SETX: variants seen among roughly 807,000 people sequenced by gnomAD.
The protein encoded by SETX is senataxin, also known as helicase senataxin.
A neutral mutation model predicts 227.2 loss-of-function variants in SETX; 90 were observed. The ratio of observed to expected loss-of-function variants is 0.40; its 90% CI spans 0.33 to 0.47. The LOEUF is 0.47. Among genes scored for constraint, SETX ranks in the 20% least tolerant of loss-of-function variants. The pLI, the probability that SETX is intolerant of heterozygous loss-of-function variation, is 0.91. For missense variants in SETX, 3,052 were observed against 3,181.5 expected, an observed-to-expected ratio of 0.96 and a Z score of 0.98; for synonymous variants, 1,210 against 1,113.2, an observed-to-expected ratio of 1.09 and a Z score of -1.73.
Position 132,330,032 on chromosome 9 carries a change from T to C in SETX, c.1566A>G (p.Ser522=), listed in dbSNP as rs760996658. ...SKGTAMISSL[S]LHSMPSNSVQ... ...CAGAGTTAGATGGCATGGAATGCAA[T>C]GACAGTGAAGATATCATTGCTGTTC... Residue 522 remains serine (S), a synonymous_variant, in exon 10 of 26, where the codon TCA becomes TCG. Coordinates refer to ENST00000224140, the MANE Select transcript of SETX (RefSeq NM_015046.7). 3 of 1,614,230 alleles carry C rather than the reference T, an allele frequency of 1.9e-6. No individual in the cohort carries two copies. Among genetic ancestry groups the C allele is most frequent in the Non-Finnish European group, 2.5e-6 (3 of 1,180,020 alleles).
intron 9 of SETX, among the ~76,000 whole-genome samples, chr9:132,330,738 T>A (rs1847172606): frequency 6.6e-6 from 1 of 152,212 alleles, no homozygotes; most frequent in Non-Finnish European, 1.5e-5. Flanking sequence ...GACAAATTGG[T>A]AACACCTTTA....
At chr9:132,318,766 C>T (rs913726485) in intron 10 of SETX, among the ~76,000 whole-genome samples, 4 of 152,070 alleles carry the variant, frequency 2.6e-5, no homozygotes, top group African/African-American at 9.7e-5. Context: ...TGAGCTAGTT[C>T]CAACTTTTCT....
intron 23 of SETX, among the ~76,000 whole-genome samples, chr9:132,272,015 T>C (rs1015026069): frequency 6.6e-6 from 1 of 151,984 alleles, no homozygotes; most frequent in African/African-American, 2.4e-5. Flanking sequence ...CCTGAGTAGC[T>C]GGGACTACAG....
At position 132,336,427 on chromosome 9, in the gene SETX, A is replaced by T; in HGVS notation, c.587T>A (p.Leu196His). 1 of 1,614,136 alleles carries T rather than the reference A, an allele frequency of 6.2e-7. No individual in the cohort carries two copies. Among genetic ancestry groups the T allele is most frequent in the South Asian group, 1.1e-5 (1 of 91,084 alleles). ...AAGCCCCAACTCAATGACTTTAAAA[A>T]GGCAAAGTAAAACTTCTTGTAAGTC... ...YYDLQEVLLCLFKVIELGLLE... is the reference protein window; with the variant it reads ...YYDLQEVLLCHFKVIELGLLE... The change falls in exon 6 of 26, where the codon CTT (leucine) becomes CAT (histidine). Residue 196 changes from leucine to histidine, a missense_variant. Around this residue, in one of 10 missense-constraint regions of SETX, gnomAD observed 239 missense variants for 240.8 expected, o/e 0.99. Transcript: ENST00000224140.
chr9:132,267,337 T>C (rs987484311), intron 25 of SETX, among the ~76,000 whole-genome samples: 1 of 152,210 alleles, frequency 6.6e-6, no homozygotes, highest in African/African-American at 2.4e-5. Context: ...CCTTAGCCTG[T>C]GGCTCAAACA....
At chr9:132,354,328 CA>C (rs1369674938) in intron 1 of SETX, among the ~76,000 whole-genome samples, 1 of 151,910 alleles carries the variant, frequency 6.6e-6, no homozygotes, top group Non-Finnish European at 1.5e-5. Context: ...CCTGTCTCTG[CA>C]ACACATTTTG....
Position 132,264,943 on chromosome 9 carries a change from G to A in SETX, c.7330C>T (p.Arg2444Cys), listed in dbSNP as rs372535542. The A allele has an allele frequency of 8.7e-6, 14 of 1,613,948 alleles. No homozygotes were observed. The highest frequency in any genetic ancestry group is 2.2e-5 in the East Asian group (1 of 44,894). ...WNQLIQDAQK[R>C]GAIIKTCDKN... ...TCACAGGTCTTAATAATGGCACCACGCTTCTGAGCATCCTGAATCAGCTGA... is the reference window on the plus strand; with the variant it reads ...TCACAGGTCTTAATAATGGCACCACACTTCTGAGCATCCTGAATCAGCTGA... The change falls in exon 26 of 26, where the codon CGT becomes TGT. Residue 2444 changes from arginine (R) to cysteine (C), a missense_variant. Arg to Cys is a radical substitution (Grantham distance 180). Around this residue, in one of 10 missense-constraint regions of SETX, gnomAD observed 412 missense variants for 589.0 expected, o/e 0.70. Transcript: ENST00000224140.
chr9:132,264,866 C>A lies in SETX; in HGVS notation c.7407G>T (p.Leu2469=). Residue 2469 remains leucine (L), a synonymous_variant, in exon 26 of 26, where the codon CTG becomes CTT. Transcript: ENST00000224140. ...TAGGAGGGTGAGTGAGACTTCTCTG[C>A]AGCACAGGCTTGAGTTTCAGAATCT... ...AVKILKLKPV[L]QRSLTHPPTI... 1 of 1,614,144 alleles carries A rather than the reference C, an allele frequency of 6.2e-7. No individual in the cohort carries two copies. The highest frequency in any genetic ancestry group is 8.5e-7 in the Non-Finnish European group (1 of 1,179,992).
intron 19 of SETX, chr9:132,283,001 G>A (rs1235629936): frequency 4.0e-6 from 2 of 499,642 alleles, no homozygotes; most frequent in Non-Finnish European, 7.3e-6. Context: ...TTCTAAGCAG[G>A]AGTGAGACAG....
Position 132,326,594 on chromosome 9 carries a change from G to C in SETX, c.5004C>G (p.Asn1668Lys). 1.9e-6 allele frequency: 3 copies of C among 1,614,220 alleles called. No individual in the cohort carries two copies. Among genetic ancestry groups the C allele is most frequent in the Non-Finnish European group, 2.5e-6 (3 of 1,180,042 alleles). Residue 1668 changes from asparagine to lysine, a missense_variant, in exon 10 of 26, where the codon AAC becomes AAG. Around this residue, in one of 10 missense-constraint regions of SETX, gnomAD observed 1,483 missense variants for 1,312.0 expected, o/e 1.13. Transcript: ENST00000224140. ...CAAATGGAACTTTGCAACCTTGCCT[G>C]TTGGAATTATTCGGAGACTGAGGAT... ...VLHPQSPNNS[N>K]RQGCKVPFGE...
chr9:132,293,048 TA>T (rs1181080815), intron 15 of SETX, among the ~76,000 whole-genome samples: 1 of 152,160 alleles, frequency 6.6e-6, no homozygotes, highest in Non-Finnish European at 1.5e-5. Flanking sequence ...AAGTCCTAAA[TA>T]AAACATTAGC....
Position 132,277,168 on chromosome 9 carries a change from A to T in SETX, c.6843-16T>A. On this transcript the variant is annotated splice_polypyrimidine_tract_variant and intron_variant, in intron 21 of 25. Transcript: ENST00000224140. Reference sequence around the variant, plus strand: ...TTCTGTCTGTCTGTAAAAAAAAAAAAGCAGTCAACATTCAGAATAAAGTCA... The same window carrying T: ...TTCTGTCTGTCTGTAAAAAAAAAAATGCAGTCAACATTCAGAATAAAGTCA... 6.4e-7 allele frequency: 1 copy of T among 1,563,476 alleles called. No individual in the cohort carries two copies. Among genetic ancestry groups the T allele is most frequent in the Non-Finnish European group, 8.8e-7 (1 of 1,137,692 alleles).
chr9:132,320,787 T>A (rs1819510895), intron 10 of SETX, among the ~76,000 whole-genome samples: 1 of 151,638 alleles, frequency 6.6e-6, no homozygotes. Context: ...ACCAAAGAGA[T>A]TTTAAAAAAC....
chr9:132,345,947 A>C (rs915092145), intron 4 of SETX, among the ~76,000 whole-genome samples: 1 of 152,180 alleles, frequency 6.6e-6, no homozygotes, highest in Non-Finnish European at 1.5e-5. Flanking sequence ...TGAGCCCAGG[A>C]GGTAGAGGCT....
rs1159987153 is a variant in SETX, at chr9:132,265,794, C to T, written c.7288-809G>A. Among the ~76,000 whole-genome samples the T allele has an allele frequency of 9.9e-5, 15 of 152,068 alleles. No homozygotes were observed. The South Asian group carries it at 1.0e-3, about 11-fold the overall frequency. ...TGCCTACACCTCTTGGCAGGGCTAA[C>T]GTTCTGAAACAGGAAGGTCTGGTTT... On this transcript the variant is annotated intron_variant, in intron 25 of 25. Transcript: ENST00000224140.
At chr9:132,335,601 C>T (rs548672093) in intron 6 of SETX, among the ~76,000 whole-genome samples, 2 of 151,824 alleles carry the variant, frequency 1.3e-5, no homozygotes, top group Admixed American at 1.3e-4. Context: ...CCTCAGCCTC[C>T]CAAGATGCTG....
chr9:132,344,505 A>C (rs1213595077), intron 4 of SETX, among the ~76,000 whole-genome samples: 1 of 152,194 alleles, frequency 6.6e-6, no homozygotes, highest in African/African-American at 2.4e-5. Flanking sequence ...CCCTGACTAG[A>C]TTCTAATTTA....
intron 11 of SETX, among the ~76,000 whole-genome samples, chr9:132,305,003 AG>A (rs1845240549): frequency 6.6e-6 from 1 of 151,876 alleles, no homozygotes; most frequent in Admixed American, 6.6e-5. Flanking sequence ...TCAAAAAAAA[AG>A]AAAAAAAAGA....
chr9:132,301,806 G>A (rs1001188932), intron 11 of SETX, among the ~76,000 whole-genome samples: 3 of 152,138 alleles, frequency 2.0e-5, no homozygotes, highest in African/African-American at 4.8e-5. Context: ...CAACTTCTAC[G>A]CATTTCAAAC....
Sources: allele counts gnomAD v4.1 joint callset (sites outside exome capture counted in the v4.1 genomes callset), GRCh38; gene constraint gnomAD v4.1.1; regional missense constraint gnomAD v4.1.1; transcripts MANE v1.5; gene names NCBI Gene and HGNC (gene_info 2026-07-23, HGNC 2026-07-21).